BCR: variants seen among roughly 807,000 people sequenced by gnomAD.
BCR encodes breakpoint cluster region protein.
BCR carries 58 observed loss-of-function variants against 138.6 expected under a neutral mutation model. The observed-to-expected ratio is 0.42, with a 90% confidence interval of 0.34 to 0.52. BCR has a LOEUF of 0.52. Ranked by LOEUF, BCR falls within the 20% of genes least tolerant of loss-of-function variation. BCR has a pLI of 0.06. For missense variants in BCR, 1,599 were observed against 1,727.2 expected, an observed-to-expected ratio of 0.93 and a Z score of 1.32; for synonymous variants, 786 against 730.1, an observed-to-expected ratio of 1.08 and a Z score of -1.23.
chr22:23,231,440 G>T (rs2072956944), intron 1 of BCR, among the ~76,000 whole-genome samples: 1 of 151,664 alleles, frequency 6.6e-6, no homozygotes, highest in South Asian at 2.1e-4. Flanking sequence ...CCAGGAGTTT[G>T]AGGCAATGGT....
intron 2 of BCR, 142 bp downstream of exon 2, chr22:23,254,122 C>A (rs1167622701): frequency 2.2e-6 from 2 of 914,280 alleles, no homozygotes; most frequent in Non-Finnish European, 1.6e-6. Flanking sequence ...ACTCCTTCCT[C>A]ATCTCTACAT....
chr22:23,267,735 G>A (rs903536342), intron 4 of BCR, among the ~76,000 whole-genome samples: 1 of 152,214 alleles, frequency 6.6e-6, no homozygotes, highest in African/African-American at 2.4e-5. Context: ...ACAAGTTGTT[G>A]CTGAATCGAG....
chr22:23,187,485 T>TTC (rs112466422), intron 1 of BCR, among the ~76,000 whole-genome samples: 41,478 of 145,442 alleles, frequency 0.29, 6,089 homozygotes, highest in East Asian at 0.33. Flanking sequence ...CTCCTTCTCT[T>TTC]TCTCTCTCTC....
chr22:23,245,154 C>T (rs5759661), intron 1 of BCR, among the ~76,000 whole-genome samples: 6,430 of 152,244 alleles, frequency 0.042, 171 homozygotes, highest in Middle Eastern at 0.11. Context: ...CAGGGCTGGT[C>T]GTGTGGGTTG....
chr22:23,271,846 A>AC (rs1208609798), intron 6 of BCR, among the ~76,000 whole-genome samples: 1 of 150,862 alleles, frequency 6.6e-6, no homozygotes, highest in Non-Finnish European at 1.5e-5. Flanking sequence ...TATCCTGTTG[A>AC]CCCCAGTGGC....
intron 16 of BCR, among the ~76,000 whole-genome samples, chr22:23,301,638 C>T (rs2073903317): frequency 6.6e-6 from 1 of 152,244 alleles, no homozygotes; most frequent in Non-Finnish European, 1.5e-5. Context: ...GCCATCTGAG[C>T]CACCAGTCAA....
intron 1 of BCR, among the ~76,000 whole-genome samples, chr22:23,240,006 C>T (rs1359119070): frequency 1.3e-5 from 2 of 151,968 alleles, no homozygotes; most frequent in Non-Finnish European, 2.9e-5. Flanking sequence ...TTTGTAGAGA[C>T]ACGTTCTTGT....
intron 1 of BCR, among the ~76,000 whole-genome samples, chr22:23,186,224 T>TG (rs2072341025): frequency 6.6e-6 from 1 of 152,248 alleles, no homozygotes; most frequent in Non-Finnish European, 1.5e-5. Context: ...AGCAAAGGCC[T>TG]GGGGCCACCC....
chr22:23,260,699 G>A (rs563895217), intron 2 of BCR, among the ~76,000 whole-genome samples: 40 of 152,366 alleles, frequency 2.6e-4, no homozygotes, highest in African/African-American at 8.7e-4. Context: ...ACTCTGTTTC[G>A]TGGTCTGGCA....
At position 23,184,353 on chromosome 22, in the gene BCR, G is replaced by A. The variant is rs556768909; in HGVS notation, c.1279+2114G>A. ...CATTCCTCTAGCTTCAGCCTCCTGA[G>A]TAGCTGGGGTTACAGGGATGAGACA... On this transcript the variant is annotated intron_variant, in intron 1 of 22. Coordinates refer to ENST00000305877, the MANE Select transcript of BCR (RefSeq NM_004327.4). 5.9e-5 allele frequency among the ~76,000 whole-genome samples: 9 copies of A among 152,182 alleles called. 1 individual carries two copies. In the East Asian group the frequency reaches 1.7e-3, roughly 29 times the overall value.
Position 23,277,548 on chromosome 22 carries a change from G to C in BCR, c.2115+3774G>C, listed in dbSNP as rs73878672. Reference sequence around the variant, plus strand: ...GCTGCTGCTGGGAGTGTGTCAAGGGGTTGGGGCTGTTTCTGTCTTCCCTGG... The same window carrying C: ...GCTGCTGCTGGGAGTGTGTCAAGGGCTTGGGGCTGTTTCTGTCTTCCCTGG... On this transcript the variant is annotated intron_variant, in intron 8 of 22. Transcript: ENST00000305877. Among the ~76,000 whole-genome samples the C allele has an allele frequency of 5.3e-3, 804 of 152,298 alleles. 5 individuals carry two copies. Among genetic ancestry groups the C allele is most frequent in the African/African-American group, 0.017 (727 of 41,556 alleles).
chr22:23,290,208 G>A (rs2073769458), intron 13 of BCR, 131 bp from the exon 14 acceptor site: 2 of 905,134 alleles, frequency 2.2e-6, no homozygotes, highest in African/African-American at 3.3e-5. Flanking sequence ...CATGACACTG[G>A]CTTACCTTGT....
rs780525794 is a variant in BCR, at chr22:23,285,076, G to A, written c.2281G>A (p.Asp761Asn). 3.7e-6 allele frequency: 6 copies of A among 1,614,096 alleles called. No homozygotes were observed. The South Asian group carries it at 5.5e-5, about 15-fold the overall frequency. The change falls in exon 10 of 23, where the codon GAT (aspartate) becomes AAT (asparagine). Residue 761 changes from aspartate to asparagine, a missense_variant. Coordinates refer to ENST00000305877, the MANE Select transcript of BCR (RefSeq NM_004327.4). The stretch of plus-strand genomic sequence containing the variant: ...CTGCAAATGGTACATTCCGCTCACG[G>A]ATCTCAGCTTCCAGATGGTGGATGA... ...YDCKWYIPLT[D>N]LSFQMVDELE...
intron 8 of BCR, among the ~76,000 whole-genome samples, chr22:23,274,329 G>A (rs952026205): frequency 1.3e-5 from 2 of 152,244 alleles, no homozygotes; most frequent in African/African-American, 4.8e-5. Flanking sequence ...TACTCTGTGT[G>A]CACATCATCG....
intron 2 of BCR, 35 bp downstream of exon 2, chr22:23,254,015 C>T (rs775483533): frequency 6.3e-7 from 1 of 1,580,974 alleles, no homozygotes; most frequent in African/African-American, 1.3e-5. Flanking sequence ...GCAGGAGGGC[C>T]AGGTGAGGCT....
At chr22:23,312,326 T>C (rs2074016915) in intron 19 of BCR, 4 of 180,512 alleles carry the variant, frequency 2.2e-5, no homozygotes, top group Admixed American at 5.4e-5. Context: ...TTCAACAGGA[T>C]TTTGTGCCTG....
intron 16 of BCR, chr22:23,306,389 A>C (rs999900131): frequency 6.6e-6 from 1 of 152,320 alleles, no homozygotes; most frequent in African/African-American, 2.4e-5. Flanking sequence ...GGTCCATCAG[A>C]GGCACTGCAT....
intron 1 of BCR, among the ~76,000 whole-genome samples, chr22:23,183,574 T>C (rs2072298519): frequency 6.6e-6 from 1 of 152,220 alleles, no homozygotes; most frequent in Non-Finnish European, 1.5e-5. Flanking sequence ...GGCTGTACTA[T>C]TCAGAAGCCT....
At chr22:23,270,268 A>G (rs2073494582) in intron 5 of BCR, among the ~76,000 whole-genome samples, 1 of 152,090 alleles carries the variant, frequency 6.6e-6, no homozygotes, top group Non-Finnish European at 1.5e-5. Context: ...ATCCAGTTAG[A>G]TCTGGTTCCA....
Sources: gnomAD v4.1 joint callset for allele counts (sites outside exome capture counted in the v4.1 genomes callset) on GRCh38, gnomAD v4.1.1 for gene constraint, MANE v1.5 for transcripts, NCBI Gene and HGNC (gene_info 2026-07-23, HGNC 2026-07-21) for gene names.